The following NHS variants were observed in gnomAD, a reference collection of about 807,000 sequenced individuals.
NHS encodes actin remodeling regulator NHS.
Under a neutral mutation model 72.5 loss-of-function variants are expected in NHS, and 5 were observed. The ratio of observed to expected loss-of-function variants is 0.07; its 90% confidence interval spans 0.04 to 0.14. The LOEUF (loss-of-function observed/expected upper bound fraction) is 0.14. NHS is among the 10% of genes least tolerant of loss of function. NHS has a pLI of 1.00. For missense variants in NHS, 1,072 were observed against 1,355.7 expected, an observed-to-expected ratio of 0.79 and a Z score of 3.29; for synonymous variants, 464 against 547.7, an observed-to-expected ratio of 0.85 and a Z score of 2.13.
intron 1 of NHS, among the ~76,000 whole-genome samples, chrX:17,539,454 T>G (rs1452529971): frequency 5.4e-5 from 6 of 110,729 alleles, no homozygotes; most frequent in Non-Finnish European, 1.1e-4. Flanking sequence ...GACCTGTGTC[T>G]GGTTCACTGC....
At chrX:17,635,555 G>T (rs748957868) in intron 1 of NHS, 1 of 1,166,137 alleles carries the variant, frequency 8.6e-7, no homozygotes, top group African/African-American at 1.8e-5. Flanking sequence ...GGAGCAGAGC[G>T]GGAATCCAAG....
At chrX:17,397,557 G>A (rs749866180) in intron 1 of NHS, among the ~76,000 whole-genome samples, 1 of 111,106 alleles carries the variant, frequency 9.0e-6, no homozygotes, top group Non-Finnish European at 1.9e-5. Flanking sequence ...TGCTTTTCAC[G>A]ATGTAGTAAT....
intron 1 of NHS, among the ~76,000 whole-genome samples, chrX:17,435,095 T>G (rs2064715332): frequency 9.0e-6 from 1 of 111,721 alleles, no homozygotes; most frequent in African/African-American, 3.3e-5. Context: ...GCTCAGTGGT[T>G]TTCGGCCTTG....
Position 17,724,325 on chromosome X carries a change from A to G in NHS, c.1135A>G (p.Ile379Val). The G allele has an allele frequency of 8.3e-7, 1 of 1,211,908 alleles. No homozygotes were observed. Among genetic ancestry groups the G allele is most frequent in the African/African-American group, 1.7e-5 (1 of 57,838 alleles). ...TGVGFDREAS[I>V]RCSLVHSQSV... ...AGTTGGCTTTGACAGAGAGGCTAGT[A>G]TACGCTGCTCTCTGGTTCATTCACA... The change falls in exon 6 of 9, where the codon ATA (isoleucine) becomes GTA (valine). Residue 379 changes from isoleucine (I) to valine (V), a missense_variant. By Grantham distance (29) the Ile-to-Val change is conservative. Transcript: ENST00000676302.
chrX:17,568,594 ACTC>A (rs1290964907), intron 1 of NHS, among the ~76,000 whole-genome samples: 1 of 107,126 alleles, frequency 9.3e-6, no homozygotes, highest in Non-Finnish European at 1.9e-5. Context: ...AGTCCAGACA[ACTC>A]CACAGGGAAA....
chrX:17,726,255 A>T lies in NHS; in HGVS notation c.2149A>T (p.Asn717Tyr). The change falls in exon 7 of 9, where the codon AAC (asparagine) becomes TAC (tyrosine). Residue 717 changes from asparagine (N) to tyrosine (Y), a missense_variant. Physicochemically the swap from Asn to Tyr is moderately radical, Grantham distance 143 (BLOSUM62 -2). Transcript: ENST00000676302. ...ADLLDDPNNS[N>Y]TSDSEWNYLH... ...CCTGCTGGATGATCCCAACAACAGC[A>T]ACACAAGTGACAGTGAGTGGAATTA... is the stretch of plus-strand genomic sequence containing the variant. The T allele has an allele frequency of 2.5e-6, 3 of 1,212,010 alleles. No homozygotes were observed. Among genetic ancestry groups the T allele is most frequent in the Non-Finnish European group, 3.3e-6 (3 of 895,577 alleles).
intron 1 of NHS, among the ~76,000 whole-genome samples, chrX:17,581,503 GGA>G (rs2065543664): frequency 9.0e-6 from 1 of 111,437 alleles, no homozygotes; most frequent in African/African-American, 3.3e-5. Context: ...CTGAAGGAAG[GGA>G]GAGAAGTCAA....
At chrX:17,476,531 C>T (rs2064918744) in intron 1 of NHS, among the ~76,000 whole-genome samples, 1 of 111,194 alleles carries the variant, frequency 9.0e-6, no homozygotes, top group Non-Finnish European at 1.9e-5. Flanking sequence ...GGATTTGGTT[C>T]CCCCAGACAC....
chrX:17,690,415 G>A (rs1029713931), intron 2 of NHS, among the ~76,000 whole-genome samples: 3 of 112,183 alleles, frequency 2.7e-5, no homozygotes, highest in Non-Finnish European at 5.6e-5. Context: ...CCACCATGAG[G>A]GAGTGGATAA....
chrX:17,380,276 C>T (rs1334411838), intron 1 of NHS, among the ~76,000 whole-genome samples: 2 of 110,993 alleles, frequency 1.8e-5, no homozygotes, highest in Admixed American at 1.9e-4. Flanking sequence ...AATTAGTGGC[C>T]TTGAGAGGTG....
chrX:17,624,193 T>C (rs1392471333), intron 1 of NHS, among the ~76,000 whole-genome samples: 1 of 112,825 alleles, frequency 8.9e-6, no homozygotes, highest in Non-Finnish European at 1.9e-5. Flanking sequence ...ATTATTTATT[T>C]CTCACAAGGA....
intron 1 of NHS, among the ~76,000 whole-genome samples, chrX:17,539,404 C>A (rs1479444518): frequency 9.1e-6 from 1 of 110,053 alleles, no homozygotes; most frequent in African/African-American, 3.3e-5. Context: ...ATCTGCTTCT[C>A]TGCTTGGCCT....
At chrX:17,677,941 C>T (rs1237488318) in intron 1 of NHS, among the ~76,000 whole-genome samples, 2 of 111,117 alleles carry the variant, frequency 1.8e-5, no homozygotes, top group Middle Eastern at 4.2e-3. Context: ...CCTGGGATTA[C>T]AGGCGCATGC....
At chrX:17,460,056 G>A (rs1196193610) in intron 1 of NHS, among the ~76,000 whole-genome samples, 1 of 111,562 alleles carries the variant, frequency 9.0e-6, no homozygotes, top group Non-Finnish European at 1.9e-5. Context: ...GATCCCTGTT[G>A]GGGGGAGGTT....
chrX:17,569,257 G>T (rs1265885753), intron 1 of NHS, among the ~76,000 whole-genome samples: 1 of 111,664 alleles, frequency 9.0e-6, no homozygotes, highest in Non-Finnish European at 1.9e-5. Flanking sequence ...TTTCACAATG[G>T]TTGAACTAAT....
intron 1 of NHS, among the ~76,000 whole-genome samples, chrX:17,646,600 G>A (rs2065906883): frequency 8.9e-6 from 1 of 111,804 alleles, no homozygotes; most frequent in Admixed American, 9.5e-5. Flanking sequence ...GGCAACCAAT[G>A]GAGGTCTCAG....
At chrX:17,431,228 T>C (rs1023262320) in intron 1 of NHS, among the ~76,000 whole-genome samples, 2 of 111,772 alleles carry the variant, frequency 1.8e-5, no homozygotes, top group African/African-American at 6.5e-5. Flanking sequence ...TTCCAGAGAC[T>C]ACTGGCCCTC....
intron 1 of NHS, among the ~76,000 whole-genome samples, chrX:17,557,664 G>A (rs1422193832): frequency 9.0e-6 from 1 of 110,742 alleles, no homozygotes; most frequent in Non-Finnish European, 1.9e-5. Context: ...GGCTCTCACC[G>A]GCAGCATTAA....
intron 3 of NHS, among the ~76,000 whole-genome samples, chrX:17,712,139 T>C (rs747662310): frequency 9.6e-6 from 1 of 104,002 alleles, no homozygotes; most frequent in Non-Finnish European, 2.0e-5. Flanking sequence ...TTAAGTGTTA[T>C]TAATCTTTTT....
Sources: allele counts gnomAD v4.1 joint callset (sites outside exome capture counted in the v4.1 genomes callset), GRCh38; gene constraint gnomAD v4.1.1; transcripts MANE v1.5; gene names NCBI Gene and HGNC (gene_info 2026-07-23, HGNC 2026-07-21).